XKR4: variants seen among roughly 807,000 people sequenced by gnomAD.
XKR4 encodes XK related 4.
A neutral mutation model predicts 53.9 loss-of-function variants in XKR4; 12 were observed. The ratio of observed to expected loss-of-function variants is 0.22; its 90% CI spans 0.14 to 0.36. XKR4 has a LOEUF of 0.36. Ranked by LOEUF, XKR4 falls within the 10% of genes least tolerant of loss-of-function variation. XKR4 has a pLI of 1.00. For missense variants in XKR4, 799 were observed against 859.5 expected, an observed-to-expected ratio of 0.93 and a Z score of 0.88; for synonymous variants, 354 against 362.4, an observed-to-expected ratio of 0.98 and a Z score of 0.26.
At chr8:55,514,508 C>T (rs1051103966) in intron 2 of XKR4, among the ~76,000 whole-genome samples, 4 of 152,046 alleles carry the variant, frequency 2.6e-5, no homozygotes, top group Non-Finnish European at 4.4e-5. Context: ...CCGCCCGCCT[C>T]GGCCTCCCAA....
intron 1 of XKR4, among the ~76,000 whole-genome samples, chr8:55,235,664 A>T (rs1481820184): frequency 6.6e-6 from 1 of 152,094 alleles, no homozygotes; most frequent in Non-Finnish European, 1.5e-5. Context: ...TGACCTACAA[A>T]CTATCCACCT....
At chr8:55,238,126 T>C (rs997642761) in intron 1 of XKR4, among the ~76,000 whole-genome samples, 1 of 152,120 alleles carries the variant, frequency 6.6e-6, no homozygotes, top group Non-Finnish European at 1.5e-5. Flanking sequence ...CAAAGTACAA[T>C]AGCATAAATA....
chr8:55,531,106 G>GCATGACAC lies in XKR4; in HGVS notation c.*6879_*6880insCATGACAC, dbSNP rs1806946425. 2.0e-5 allele frequency: 3 copies of GCATGACAC among 152,146 alleles called. No homozygotes were observed. The highest frequency in any genetic ancestry group is 4.4e-5 in the Non-Finnish European group (3 of 68,022). The allele number at this position is 152,146 out of a possible 1,614,324, so 9.4% of individuals were successfully genotyped here. ...CAAGAAAGAAACACAGCTTTTCTAAGACTATGCAGTCATGTGTCACTTAAG... is the reference window on the plus strand; with the variant it reads ...CAAGAAAGAAACACAGCTTTTCTAAGCATGACACACTATGCAGTCATGTGTCACTTAAG... On this transcript the variant is annotated 3_prime_UTR_variant, in exon 3 of 3. Transcript: ENST00000327381.
At chr8:55,353,185 C>T (rs1367387867) in intron 1 of XKR4, among the ~76,000 whole-genome samples, 2 of 152,118 alleles carry the variant, frequency 1.3e-5, no homozygotes, top group Admixed American at 1.3e-4. Context: ...TGAATCGTGT[C>T]CTCCCTTACA....
chr8:55,198,032 A>G (rs1298557098), intron 1 of XKR4, among the ~76,000 whole-genome samples: 1 of 152,226 alleles, frequency 6.6e-6, no homozygotes. Context: ...AATGAAAATC[A>G]AAGGTCTTGC....
chr8:55,119,103 C>T (rs1174935288), intron 1 of XKR4, among the ~76,000 whole-genome samples: 1 of 152,162 alleles, frequency 6.6e-6, no homozygotes, highest in East Asian at 1.9e-4. Context: ...ACCAAGCATT[C>T]ACTCTAAGCA....
chr8:55,300,750 G>T (rs1819181376), intron 1 of XKR4, among the ~76,000 whole-genome samples: 2 of 152,148 alleles, frequency 1.3e-5, no homozygotes, highest in Admixed American at 1.3e-4. Context: ...TCGTGGGGAT[G>T]CAAGACAAGA....
chr8:55,175,565 T>C (rs1423812411), intron 1 of XKR4, among the ~76,000 whole-genome samples: 1 of 152,216 alleles, frequency 6.6e-6, no homozygotes, highest in African/African-American at 2.4e-5. Flanking sequence ...CTTTACTACA[T>C]GTCTAGAATT....
At chr8:55,489,957 A>G (rs1162083177) in intron 2 of XKR4, among the ~76,000 whole-genome samples, 1 of 152,168 alleles carries the variant, frequency 6.6e-6, no homozygotes, top group East Asian at 1.9e-4. Context: ...TTGCCATCAT[A>G]CATTTACATG....
rs1316936859 is a variant in XKR4, at chr8:55,537,252, G to A, written c.*13025G>A. 2 of 152,150 alleles carry A rather than the reference G, an allele frequency of 1.3e-5. No homozygotes were observed. Among genetic ancestry groups the A allele is most frequent in the Admixed American group, 6.5e-5 (1 of 15,268 alleles). The allele number at this position is 152,150 out of a possible 1,614,324, so 9.4% of individuals were successfully genotyped here. A position where few individuals can be genotyped will look rare whatever the true frequency, so the allele number is the denominator to read the frequency against. On this transcript the variant is annotated 3_prime_UTR_variant, in exon 3 of 3. Transcript: ENST00000327381. ...CCTGGGAAAAAAAGAAAAAGTTTAC[G>A]TCAAAGGAAAATTCACCTCCCACAA...
At chr8:55,447,776 G>T (rs935610426) in intron 2 of XKR4, among the ~76,000 whole-genome samples, 1 of 152,176 alleles carries the variant, frequency 6.6e-6, no homozygotes, top group African/African-American at 2.4e-5. Flanking sequence ...CTAACCTGTA[G>T]AATTTTAAGG....
At chr8:55,264,508 A>G (rs1818571544) in intron 1 of XKR4, among the ~76,000 whole-genome samples, 1 of 152,224 alleles carries the variant, frequency 6.6e-6, no homozygotes. Context: ...AACAATCAGT[A>G]TGATTATTCA....
chr8:55,307,334 A>G (rs1660173866), intron 1 of XKR4, among the ~76,000 whole-genome samples: 1 of 152,146 alleles, frequency 6.6e-6, no homozygotes, highest in Non-Finnish European at 1.5e-5. Context: ...GCAAAAGACA[A>G]GAAGAAACAT....
At position 55,536,563 on chromosome 8, in the gene XKR4, C is replaced by T. The variant is rs1375694712; in HGVS notation, c.*12336C>T. The T allele has an allele frequency of 2.0e-5, 3 of 149,550 alleles. No individual in the cohort carries two copies. The East Asian group carries it at 5.9e-4, about 29-fold the overall frequency. 9.3% of individuals were successfully genotyped at this position (149,550 alleles called of 1,614,324 possible). ...GAGATGTTTGAATCATACAGTTTTCCGTCTGGGTGTCTGGTGTTTCTGGAT... is the reference window on the plus strand; with the variant it reads ...GAGATGTTTGAATCATACAGTTTTCTGTCTGGGTGTCTGGTGTTTCTGGAT... On this transcript the variant is annotated 3_prime_UTR_variant, in exon 3 of 3. Coordinates refer to ENST00000327381, the MANE Select transcript of XKR4 (RefSeq NM_052898.2).
intron 2 of XKR4, among the ~76,000 whole-genome samples, chr8:55,401,383 A>G (rs906168): frequency 0.46 from 69,297 of 152,050 alleles, 18,214 homozygotes; most frequent in Non-Finnish European, 0.59. Context: ...TATGTGAATG[A>G]CTCAGTTCCT....
At chr8:55,406,935 T>C (rs1804692817) in intron 2 of XKR4, among the ~76,000 whole-genome samples, 1 of 152,228 alleles carries the variant, frequency 6.6e-6, no homozygotes, top group Non-Finnish European at 1.5e-5. Context: ...AAGTACATTG[T>C]TGGAACTATC....
chr8:55,364,604 T>TTTTTG (rs771768119), intron 2 of XKR4, among the ~76,000 whole-genome samples: 61 of 151,972 alleles, frequency 4.0e-4, no homozygotes, highest in African/African-American at 9.0e-4. Context: ...GTTGGCTGGG[T>TTTTTG]TTTTGTTTTG....
At chr8:55,381,661 G>T (rs1266411297) in intron 2 of XKR4, among the ~76,000 whole-genome samples, 3 of 152,166 alleles carry the variant, frequency 2.0e-5, no homozygotes, top group Non-Finnish European at 4.4e-5. Flanking sequence ...ATTGAGAGCA[G>T]ATCTCCACCA....
intron 2 of XKR4, among the ~76,000 whole-genome samples, chr8:55,477,594 G>T (rs1029227421): frequency 1.3e-5 from 2 of 152,090 alleles, no homozygotes; most frequent in African/African-American, 4.8e-5. Context: ...GGCTTCAGAT[G>T]ATCAAACTAC....
Sources: gnomAD v4.1 joint callset for allele counts (sites outside exome capture counted in the v4.1 genomes callset) on GRCh38, gnomAD v4.1.1 for gene constraint, MANE v1.5 for transcripts, NCBI Gene and HGNC (gene_info 2026-07-23, HGNC 2026-07-21) for gene names.